Variants in RALYL observed in about 807,000 individuals in gnomAD.
RALYL encodes the protein RALY RNA binding protein like.
A neutral mutation model predicts 35.1 loss-of-function variants in RALYL; 29 were observed. The ratio of observed to expected loss-of-function variants is 0.83; its 90% CI spans 0.61 to 1.13. The LOEUF (loss-of-function observed/expected upper bound fraction) is 1.13, where lower values mean the gene tolerates loss of function less well. RALYL is among the 50% of genes most tolerant of loss of function. The pLI, the probability that RALYL is intolerant of heterozygous loss-of-function variation, is 0.00. For missense variants in RALYL, 359 were observed against 360.4 expected (o/e 1.00, Z 0.03); for synonymous variants, 120 against 127.6 (o/e 0.94, Z 0.40).
At chr8:84,788,721 C>G (rs1820115419) in intron 3 of RALYL, among the ~76,000 whole-genome samples, 1 of 152,186 alleles carries the variant, frequency 6.6e-6, no homozygotes, top group South Asian at 2.1e-4. Context: ...CTAGAGCTAA[C>G]TGCAGGAAGT....
At chr8:84,641,949 AT>A (rs765730050) in intron 2 of RALYL, among the ~76,000 whole-genome samples, 1 of 151,946 alleles carries the variant, frequency 6.6e-6, no homozygotes, top group Non-Finnish European at 1.5e-5. Flanking sequence ...TTCCAAAGGC[AT>A]TTTTTAAAAT....
intron 1 of RALYL, among the ~76,000 whole-genome samples, chr8:84,196,945 CATTTGTT>C (rs1342160556): frequency 6.6e-6 from 1 of 152,182 alleles, no homozygotes; most frequent in Non-Finnish European, 1.5e-5. Context: ...TCAGTCTACT[CATTTGTT>C]ATTTGGCCCT....
At chr8:84,610,089 G>A (rs984950203) in intron 2 of RALYL, among the ~76,000 whole-genome samples, 1 of 152,082 alleles carries the variant, frequency 6.6e-6, no homozygotes, top group African/African-American at 2.4e-5. Context: ...AATTCAAGAT[G>A]AGATTTGGGT....
intron 2 of RALYL, among the ~76,000 whole-genome samples, chr8:84,642,061 C>G (rs906950542): frequency 3.3e-5 from 5 of 151,734 alleles, no homozygotes; most frequent in Non-Finnish European, 7.4e-5. Flanking sequence ...TACTTATAAG[C>G]CAATTTGGTA....
At chr8:84,659,761 C>T (rs1410762470) in intron 2 of RALYL, among the ~76,000 whole-genome samples, 1 of 152,046 alleles carries the variant, frequency 6.6e-6, no homozygotes, top group African/African-American at 2.4e-5. Flanking sequence ...TTATATTCAA[C>T]CTGTTGAAAT....
At chr8:84,461,613 T>C (rs910093962) in intron 1 of RALYL, among the ~76,000 whole-genome samples, 17 of 151,856 alleles carry the variant, frequency 1.1e-4, no homozygotes, top group African/African-American at 4.1e-4. Flanking sequence ...TTTTTTCAGT[T>C]AATAATTCAC....
chr8:84,294,058 C>A (rs1448312687), intron 1 of RALYL, among the ~76,000 whole-genome samples: 1 of 152,082 alleles, frequency 6.6e-6, no homozygotes, highest in Non-Finnish European at 1.5e-5. Context: ...GCATGAAGAA[C>A]TGTAGGGTTT....
chr8:84,298,661 AG>A (rs1256450936), intron 1 of RALYL, among the ~76,000 whole-genome samples: 2 of 152,020 alleles, frequency 1.3e-5, no homozygotes, highest in Non-Finnish European at 2.9e-5. Flanking sequence ...TGTCCATTTT[AG>A]CAGTATTGAT....
At chr8:84,264,233 A>C (rs1832850871) in intron 1 of RALYL, among the ~76,000 whole-genome samples, 1 of 152,160 alleles carries the variant, frequency 6.6e-6, no homozygotes, top group African/African-American at 2.4e-5. Flanking sequence ...TCCCACTAAC[A>C]GTGTAAAAGC....
At chr8:84,448,207 T>C (rs1237762793) in intron 1 of RALYL, among the ~76,000 whole-genome samples, 1 of 151,982 alleles carries the variant, frequency 6.6e-6, no homozygotes, top group Non-Finnish European at 1.5e-5. Flanking sequence ...CTTCCACACA[T>C]ACCTAGTGTC....
chr8:84,772,955 T>C (rs1299703802), intron 2 of RALYL, among the ~76,000 whole-genome samples: 1 of 152,174 alleles, frequency 6.6e-6, no homozygotes, highest in Non-Finnish European at 1.5e-5. Flanking sequence ...TTAGGTATAA[T>C]GTTTAATATA....
At chr8:84,448,705 C>G (rs1218687813) in intron 1 of RALYL, among the ~76,000 whole-genome samples, 3 of 152,010 alleles carry the variant, frequency 2.0e-5, no homozygotes, top group Non-Finnish European at 4.4e-5. Flanking sequence ...AAGTAGCTGT[C>G]TTTTTTGACT....
intron 1 of RALYL, among the ~76,000 whole-genome samples, chr8:84,496,390 C>T (rs936687286): frequency 1.3e-5 from 2 of 152,094 alleles, no homozygotes; most frequent in African/African-American, 2.4e-5. Flanking sequence ...GATAGGATGG[C>T]AGCATTAGAA....
intron 1 of RALYL, among the ~76,000 whole-genome samples, chr8:84,375,012 T>C (rs1169171023): frequency 6.6e-6 from 1 of 151,938 alleles, no homozygotes; most frequent in African/African-American, 2.4e-5. Context: ...TTCTCATTGA[T>C]TCCTTTTTTG....
intron 2 of RALYL, among the ~76,000 whole-genome samples, chr8:84,588,807 G>A (rs758127350): frequency 1.3e-5 from 2 of 152,114 alleles, no homozygotes; most frequent in Admixed American, 1.3e-4. Context: ...ATGTAAATGC[G>A]AATATTAAAT....
intron 2 of RALYL, among the ~76,000 whole-genome samples, chr8:84,534,641 GT>G (rs768800117): frequency 2.8e-4 from 43 of 152,078 alleles, no homozygotes; most frequent in Non-Finnish European, 5.7e-4. Context: ...GGCTAAAGGG[GT>G]CCCTCACATG....
At chr8:84,813,758 A>G (rs1826446083) in intron 4 of RALYL, among the ~76,000 whole-genome samples, 1 of 151,992 alleles carries the variant, frequency 6.6e-6, no homozygotes, top group Non-Finnish European at 1.5e-5. Flanking sequence ...AGTTTAGGCA[A>G]TTACTTTTTT....
At chr8:84,815,782 A>C (rs1827111340) in intron 4 of RALYL, among the ~76,000 whole-genome samples, 1 of 152,076 alleles carries the variant, frequency 6.6e-6, no homozygotes, top group African/African-American at 2.4e-5. Context: ...CATGCCTGGA[A>C]TCCCAGCACT....
chr8:84,670,077 T>C (rs926940519), intron 2 of RALYL, among the ~76,000 whole-genome samples: 4 of 152,156 alleles, frequency 2.6e-5, no homozygotes, highest in African/African-American at 4.8e-5. Context: ...CAGGGCTCTT[T>C]TTTTCCTTCA....
Sources: allele counts gnomAD v4.1 joint callset (sites outside exome capture counted in the v4.1 genomes callset), GRCh38; gene constraint gnomAD v4.1.1; transcripts MANE v1.5; gene names NCBI Gene and HGNC (gene_info 2026-07-23, HGNC 2026-07-21).